The following DYNC1H1 variants were observed in gnomAD, a reference collection of about 807,000 sequenced individuals.
DYNC1H1 encodes cytoplasmic dynein 1 heavy chain 1.
A neutral mutation model predicts 527.1 loss-of-function variants in DYNC1H1; 51 were observed. That is an observed-to-expected ratio of 0.10 (90% confidence interval 0.08 to 0.12). The LOEUF is 0.12. DYNC1H1 is among the 10% of genes least tolerant of loss of function. The pLI, the probability that DYNC1H1 is intolerant of heterozygous loss-of-function variation, is 1.00. For synonymous variants in DYNC1H1, 2,189 were observed against 2,278.8 expected, an observed-to-expected ratio of 0.96 and a Z score of 1.12; for missense variants, 2,771 against 5,971.8, an observed-to-expected ratio of 0.46 and a Z score of 17.66.
chr14:101,981,470 T>C (rs1316843971), intron 5 of DYNC1H1, among the ~76,000 whole-genome samples: 1 of 152,254 alleles, frequency 6.6e-6, no homozygotes, highest in East Asian at 1.9e-4. Context: ...GTAACTTGAC[T>C]GAGCTGCATT....
rs2048185938 is a variant in DYNC1H1 at position 102,005,423 on chromosome 14, T to C, written c.5433+187T>C. The stretch of plus-strand genomic sequence containing the variant: ...CTGTTGAAAGGTAATCTCAGGGGCA[T>C]GCAGGGGTTACGCGACATCACGGTA... On this transcript the variant is annotated intron_variant, in intron 26 of 77. Coordinates refer to ENST00000360184, the MANE Select transcript of DYNC1H1 (RefSeq NM_001376.5). This position sits in a 1 kb window ranked among gnomAD's most constrained non-coding sequence, Gnocchi z 4.0. Among the ~76,000 whole-genome samples, 1 of 152,218 alleles carries C rather than the reference T, an allele frequency of 6.6e-6. No homozygotes were observed. The highest frequency in any genetic ancestry group is 1.5e-5 in the Non-Finnish European group (1 of 68,036).
intron 48 of DYNC1H1, 74 bp downstream of exon 48, chr14:102,028,215 A>T: frequency 6.4e-7 from 1 of 1,565,200 alleles, no homozygotes; most frequent in African/African-American, 1.4e-5. Context: ...AAATTGCTAT[A>T]AAAATAGACC....
rs2048190918 is a variant in DYNC1H1 at position 102,005,827 on chromosome 14, C to G, written c.5434-61C>G. The G allele has an allele frequency of 6.2e-7, 1 of 1,603,498 alleles. No individual in the cohort carries two copies. The highest frequency in any genetic ancestry group is 8.5e-7 in the Non-Finnish European group (1 of 1,171,294). On this transcript the variant is annotated intron_variant, in intron 26 of 77. Coordinates refer to ENST00000360184, the MANE Select transcript of DYNC1H1 (RefSeq NM_001376.5). The surrounding 1 kb of genome is among the most constrained non-coding windows in gnomAD (Gnocchi z 4.0). The stretch of plus-strand genomic sequence containing the variant: ...ATTTCAGTTTAACAGTCCACAAACC[C>G]GGAGAATGCACTGTATTGCTTTAGT...
At chr14:101,971,085 CTTTTTTTTTTTTTT>C (rs780745783) in intron 1 of DYNC1H1, among the ~76,000 whole-genome samples, 2 of 64,080 alleles carry the variant, frequency 3.1e-5, no homozygotes, top group Non-Finnish European at 5.8e-5. Context: ...CCGTATCATT[CTTTTTTTTTTTTTT>C]TTTTTTTTTT....
intron 1 of DYNC1H1, among the ~76,000 whole-genome samples, chr14:101,972,237 A>C (rs2047747560): frequency 6.6e-6 from 1 of 152,086 alleles, no homozygotes; most frequent in Non-Finnish European, 1.5e-5. Flanking sequence ...AAAGAAAGAA[A>C]AGTAGAATGT....
rs1482241110 is a variant in DYNC1H1, at chr14:102,027,897, G to T, written c.9264-40G>T. 6.2e-7 allele frequency: 1 copy of T among 1,614,086 alleles called. No individual in the cohort carries two copies. The highest frequency in any genetic ancestry group is 2.2e-5 in the East Asian group (1 of 44,900). On this transcript the variant is annotated intron_variant, in intron 47 of 77. Coordinates refer to ENST00000360184, the MANE Select transcript of DYNC1H1 (RefSeq NM_001376.5). This position sits in a 1 kb window ranked among gnomAD's most constrained non-coding sequence, Gnocchi z 7.7. ...GGTGTCCTTCCAAGGGACAAAGCCT[G>T]CCCCTCATAGCTGTCCTGAAACATG...
rs753673936 is a variant in DYNC1H1 at position 102,026,528 on chromosome 14, TAACA to T, written c.8638-45_8638-42del. Reference sequence around the variant, plus strand: ...ATACAGTTGACTTTGGTCTAATAACTAACATTTTTTTCTAAGTAATTTGGGTATT... The same window carrying T: ...ATACAGTTGACTTTGGTCTAATAACTTTTTTTTCTAAGTAATTTGGGTATT... On this transcript the variant is annotated intron_variant, in intron 43 of 77. Coordinates refer to ENST00000360184, the MANE Select transcript of DYNC1H1 (RefSeq NM_001376.5). 8.1e-6 allele frequency: 13 copies of T among 1,611,268 alleles called. No homozygotes were observed. The East Asian group carries it at 2.9e-4, about 36-fold the overall frequency.
chr14:102,050,952 T>C lies in DYNC1H1; in HGVS notation c.*389T>C, dbSNP rs1202404424. ...GCCACAGCACTCATGAATGAAGACC[T>C]TGGGGCCCTTCACAGACACAGATGC... is the stretch of plus-strand genomic sequence containing the variant. On this transcript the variant is annotated 3_prime_UTR_variant, in exon 78 of 78. Coordinates refer to ENST00000360184, the MANE Select transcript of DYNC1H1 (RefSeq NM_001376.5). 2 of 326,436 alleles carry C rather than the reference T, an allele frequency of 6.1e-6. No individual in the cohort carries two copies. The highest frequency in any genetic ancestry group is 2.7e-5 in the South Asian group (1 of 37,220). The allele number at this position is 326,436 out of a possible 1,614,324, so 20.2% of individuals were successfully genotyped here. A position where few individuals can be genotyped will look rare whatever the true frequency, so the allele number is the denominator to read the frequency against.
At chr14:102,030,375 C>T (rs2048497015) in intron 51 of DYNC1H1, 93 bp downstream of exon 51, 3 of 1,588,848 alleles carry the variant, frequency 1.9e-6, no homozygotes, top group South Asian at 2.2e-5. Flanking sequence ...TGCACATATG[C>T]TTCCCTCAAA....
In DYNC1H1 at chr14:102,020,787, G is replaced by A. The variant is rs1020676081; in HGVS notation, c.8507+731G>A. On this transcript the variant is annotated intron_variant, in intron 42 of 77. Coordinates refer to ENST00000360184, the MANE Select transcript of DYNC1H1 (RefSeq NM_001376.5). This position sits in a 1 kb window ranked among gnomAD's most constrained non-coding sequence, Gnocchi z 4.3. ...AGACTAAGAAATGCTTAAGTGTTTG[G>A]CAGCTGTGCCTCTGGACCAGGTGTC... Among the ~76,000 whole-genome samples the A allele has an allele frequency of 5.3e-5, 8 of 152,188 alleles. No homozygotes were observed. The highest frequency in any genetic ancestry group is 1.0e-4 in the Non-Finnish European group (7 of 68,028).
At chr14:101,973,989 T>C (rs1243172063) in intron 1 of DYNC1H1, among the ~76,000 whole-genome samples, 1 of 152,194 alleles carries the variant, frequency 6.6e-6, no homozygotes, top group Non-Finnish European at 1.5e-5. Flanking sequence ...ACCACCCATT[T>C]TACACCTTAC....
At chr14:102,040,205 G>C in intron 62 of DYNC1H1, 31 bp from the exon 63 acceptor site, 1 of 1,613,092 alleles carries the variant, frequency 6.2e-7, no homozygotes, top group Non-Finnish European at 8.5e-7. Flanking sequence ...GAACGTGAGA[G>C]ACCCTAGCTA....
chr14:102,019,405 A>G (rs1434905715), intron 41 of DYNC1H1, among the ~76,000 whole-genome samples: 2 of 152,232 alleles, frequency 1.3e-5, no homozygotes, highest in African/African-American at 2.4e-5. Flanking sequence ...CTCGCTCTTC[A>G]TGCTTTGGGA....
Position 101,986,429 on chromosome 14 carries a change from T to C in DYNC1H1, c.2204T>C (p.Leu735Pro), listed in dbSNP as rs1002689170. The change falls in exon 8 of 78, where the codon CTG becomes CCG. Residue 735 changes from leucine to proline, a missense_variant. By Grantham distance (98) the Leu-to-Pro change is moderately conservative. This residue lies in a region of DYNC1H1 where 264 missense variants were observed against 619.4 expected (regional missense o/e 0.43). Transcript: ENST00000360184. This position sits in a 1 kb window ranked among gnomAD's most constrained non-coding sequence, Gnocchi z 8.7. The stretch of plus-strand genomic sequence containing the variant: ...GGCCGAACTGGAAATGTGCTTAAGC[T>C]GAAAGTTAACTTTCTTCCTGAGATT... ...VRGRTGNVLK[L>P]KVNFLPEIIT... is the part of the protein sequence containing the mutation. 1.2e-5 allele frequency: 19 copies of C among 1,614,104 alleles called. No individual in the cohort carries two copies. Among genetic ancestry groups the C allele is most frequent in the Non-Finnish European group, 1.6e-5 (19 of 1,180,014 alleles).
rs2048305713 is a variant in DYNC1H1 at position 102,015,207 on chromosome 14, A to G, written c.7117A>G (p.Met2373Val). Residue 2373 changes from methionine (M) to valine (V), a missense_variant, in exon 35 of 78, where the codon ATG (methionine) becomes GTG (valine). Physicochemically the swap from Met to Val is conservative, Grantham distance 21 (BLOSUM62 1). Around this residue, in one of 32 missense-constraint regions of DYNC1H1, gnomAD observed 122 missense variants for 168.4 expected, o/e 0.72. Coordinates refer to ENST00000360184, the MANE Select transcript of DYNC1H1 (RefSeq NM_001376.5). This position sits in a 1 kb window ranked among gnomAD's most constrained non-coding sequence, Gnocchi z 6.9. ...CAGTGAGGATGTGCTGAGCACCGAC[A>G]TGATCTTCAACAACTTCCTGGCCAG... ...WFSEDVLSTD[M>V]IFNNFLARLR... The G allele has an allele frequency of 6.2e-7, 1 of 1,614,258 alleles. No individual in the cohort carries two copies. Among genetic ancestry groups the G allele is most frequent in the African/African-American group, 1.3e-5 (1 of 75,060 alleles).
chr14:102,042,230 T>A lies in DYNC1H1; in HGVS notation c.12217T>A (p.Ser4073Thr). 6.2e-7 allele frequency: 1 copy of A among 1,614,060 alleles called. No individual in the cohort carries two copies. Among genetic ancestry groups the A allele is most frequent in the Non-Finnish European group, 8.5e-7 (1 of 1,180,008 alleles). The change falls in exon 67 of 78, where the codon TCT becomes ACT. Residue 4073 changes from serine (S) to threonine (T), a missense_variant and splice_region_variant. Coordinates refer to ENST00000360184, the MANE Select transcript of DYNC1H1 (RefSeq NM_001376.5). This position sits in a 1 kb window ranked among gnomAD's most constrained non-coding sequence, Gnocchi z 5.7. ...NTQITSIAIG[S>T]AEGFNQADKA... ...AACACTAAGTTTCCCTGCACCAGGC[T>A]CTGCAGAAGGCTTTAACCAAGCAGA...
In DYNC1H1 at chr14:102,002,412, CTTG is replaced by C. The variant is rs1273360298; in HGVS notation, c.4543-119_4543-117del. On this transcript the variant is annotated intron_variant, in intron 21 of 77. Transcript: ENST00000360184. This position sits in a 1 kb window ranked among gnomAD's most constrained non-coding sequence, Gnocchi z 4.4. ...AGGCGTGAGCCACCACACCCGTCTA[CTTG>C]TTGTTTAAAATGTGAATCAGATTAC... The C allele has an allele frequency of 2.1e-5, 29 of 1,349,352 alleles. No homozygotes were observed. In the East Asian group the frequency reaches 3.5e-4, roughly 16 times the overall value. 83.6% of individuals were successfully genotyped at this position (1,349,352 alleles called of 1,614,324 possible).
intron 11 of DYNC1H1, among the ~76,000 whole-genome samples, chr14:101,992,984 T>C (rs1294166773): frequency 3.9e-5 from 6 of 152,106 alleles, no homozygotes; most frequent in Non-Finnish European, 7.4e-5. Context: ...ACCTGCAGGC[T>C]GACAGCTCTG....
chr14:102,004,706 TA>T, intron 24 of DYNC1H1, 23 bp downstream of exon 24: 1 of 1,614,202 alleles, frequency 6.2e-7, no homozygotes, highest in Non-Finnish European at 8.5e-7. Context: ...TCGTAACTTT[TA>T]AAACTTCTCT....
Sources: gnomAD v4.1 joint callset for allele counts (sites outside exome capture counted in the v4.1 genomes callset) on GRCh38, gnomAD v4.1.1 for gene constraint, gnomAD v4.1.1 regional missense constraint, Gnocchi (gnomAD v3.1) non-coding constraint, MANE v1.5 for transcripts, NCBI Gene and HGNC (gene_info 2026-07-23, HGNC 2026-07-21) for gene names.